Variants in RPP25L observed in about 807,000 individuals in gnomAD.
RPP25L encodes the protein ribonuclease P/MRP subunit p25 like, also known as ribonuclease P protein subunit p25-like protein.
In RPP25L, 5 loss-of-function variants were observed where a neutral mutation model predicts 10.1. That is an observed-to-expected ratio of 0.50 (90% confidence interval 0.26 to 1.04). RPP25L has a LOEUF of 1.04. RPP25L is among the 50% of genes least tolerant of loss of function. The pLI, the probability that RPP25L is intolerant of heterozygous loss-of-function variation, is 0.14. For synonymous variants in RPP25L, 96 were observed against 88.6 expected (o/e 1.08, Z -0.47); for missense variants, 192 against 217.3 (o/e 0.88, Z 0.73).
At position 34,611,453 on chromosome 9, in the gene RPP25L, G is replaced by A. The variant is rs2132294966; in HGVS notation, c.-36-121C>T. The A allele has an allele frequency of 1.3e-6, 1 of 759,682 alleles. No individual in the cohort carries two copies. The highest frequency in any genetic ancestry group is 2.7e-5 in the East Asian group (1 of 37,048). The allele number at this position is 759,682 out of a possible 1,614,324, so 47.1% of individuals were successfully genotyped here. ...CCAGACTTCCCAGAAACAGGATCAT[G>A]TCCCCTTGTCCTTAGCATCTCGTGA... On this transcript the variant is annotated intron_variant, in intron 1 of 1. Coordinates refer to ENST00000378959, the MANE Select transcript of RPP25L (RefSeq NM_148178.3). This position sits in a 1 kb window ranked among gnomAD's most constrained non-coding sequence, Gnocchi z 4.4.
chr9:34,611,093 G>T lies in RPP25L; in HGVS notation c.204C>A (p.Val68=), dbSNP rs549744810. The change falls in exon 2 of 2, where the codon GTC becomes GTA. Residue 68 remains valine, a synonymous_variant. Coordinates refer to ENST00000378959, the MANE Select transcript of RPP25L (RefSeq NM_148178.3). The surrounding 1 kb of genome is among the most constrained non-coding windows in gnomAD (Gnocchi z 4.4). ...SGSGRAAGKA[V]SCAEIVKRRV... is the part of the protein sequence containing the mutation. The stretch of plus-strand genomic sequence containing the variant: ...GCCGCTTGACAATCTCAGCGCAGCT[G>T]ACAGCCTTTCCTGCAGCCCTGCCAG... The T allele has an allele frequency of 6.2e-7, 1 of 1,614,112 alleles. No homozygotes were observed. Among genetic ancestry groups the T allele is most frequent in the Non-Finnish European group, 8.5e-7 (1 of 1,180,008 alleles).
rs1367513949 is a variant in RPP25L at position 34,610,967 on chromosome 9, C to T, written c.330G>A (p.Val110=). The T allele has an allele frequency of 6.2e-7, 1 of 1,613,930 alleles. No homozygotes were observed. The highest frequency in any genetic ancestry group is 2.2e-5 in the East Asian group (1 of 44,880). Residue 110 remains valine (V), a synonymous_variant, in exon 2 of 2, where the codon GTG becomes GTA. Coordinates refer to ENST00000378959, the MANE Select transcript of RPP25L (RefSeq NM_148178.3). ...SPDTGLDPLT[V]RRHVPAVWVL... ...CCCACACTGCAGGCACATGGCGGCG[C>T]ACTGTGAGGGGGTCTAGCCCTGTGT...
Position 34,610,822 on chromosome 9 carries a change from G to A in RPP25L, c.475C>T (p.Arg159Ter), listed in dbSNP as rs1228059892. The A allele has an allele frequency of 1.3e-6, 2 of 1,535,070 alleles. No individual in the cohort carries two copies. Among genetic ancestry groups the A allele is most frequent in the African/African-American group, 1.4e-5 (1 of 72,782 alleles). Residue 159 changes from arginine (R) to a stop codon, truncating the protein, a stop_gained, in exon 2 of 2, where the codon CGA becomes TGA. Coordinates refer to ENST00000378959, the MANE Select transcript of RPP25L (RefSeq NM_148178.3). LOFTEE classifies it high-confidence loss of function. ...SCGPRSRRRA[R>*]DTRS ...GCAGGTCTTCACGATCGGGTGTCTC[G>A]AGCCCTTCTTCGGGAACGAGGGCCA...
chr9:34,611,467 A>G lies in RPP25L; in HGVS notation c.-36-135T>C. ...AACAGGATCATGTCCCCTTGTCCTT[A>G]GCATCTCGTGACAAGGTCCATGCCT... On this transcript the variant is annotated intron_variant, in intron 1 of 1. Coordinates refer to ENST00000378959, the MANE Select transcript of RPP25L (RefSeq NM_148178.3). This position sits in a 1 kb window ranked among gnomAD's most constrained non-coding sequence, Gnocchi z 4.4. 1 of 712,324 alleles carries G rather than the reference A, an allele frequency of 1.4e-6. No individual in the cohort carries two copies. Among genetic ancestry groups the G allele is most frequent in the Non-Finnish European group, 2.3e-6 (1 of 436,506 alleles). 44.1% of individuals were successfully genotyped at this position (712,324 alleles called of 1,614,324 possible).
At position 34,610,896 on chromosome 9, in the gene RPP25L, T is replaced by A. The variant is rs746094435; in HGVS notation, c.401A>T (p.Gln134Leu). 6.2e-7 allele frequency: 1 copy of A among 1,601,168 alleles called. No homozygotes were observed. The highest frequency in any genetic ancestry group is 1.7e-5 in the Admixed American group (1 of 59,342). ...DPLDPNECGY[Q>L]PPGAPPGLGS... ...CAGGCCAGGGGGTGCTCCTGGGGGT[T>A]GGTAACCACACTCATTGGGGTCCAG... The change falls in exon 2 of 2, where the codon CAA (glutamine) becomes CTA (leucine). Residue 134 changes from glutamine (Q) to leucine (L), a missense_variant. Transcript: ENST00000378959.
In RPP25L at chr9:34,610,924, G is replaced by A; in HGVS notation, c.373C>T (p.Pro125Ser). The A allele has an allele frequency of 6.2e-7, 1 of 1,612,660 alleles. No individual in the cohort carries two copies. The highest frequency in any genetic ancestry group is 1.3e-5 in the African/African-American group (1 of 74,996). The change falls in exon 2 of 2, where the codon CCC becomes TCC. Residue 125 changes from proline (P) to serine (S), a missense_variant. Physicochemically the swap from Pro to Ser is moderately conservative, Grantham distance 74. Coordinates refer to ENST00000378959, the MANE Select transcript of RPP25L (RefSeq NM_148178.3). ...PAVWVLLSRD[P>S]LDPNECGYQP... is the part of the protein sequence containing the mutation. ...TAACCACACTCATTGGGGTCCAGGG[G>A]GTCCCGGCTGAGCAGCACCCACACT...
In RPP25L at chr9:34,611,289, T is replaced by A. The variant is rs1820298816; in HGVS notation, c.8A>T (p.His3Leu). 4.3e-6 allele frequency: 7 copies of A among 1,612,354 alleles called. No homozygotes were observed. In the East Asian group the frequency reaches 1.3e-4, roughly 31 times the overall value. ME[H>L]YRKAGSVELP... ...CTCTACAGAGCCAGCTTTCCGGTAG[T>A]GCTCCATCCTGCTTGCTGTCTTGTC... The change falls in exon 2 of 2, where the codon CAC (histidine) becomes CTC (leucine). Residue 3 changes from histidine to leucine, a missense_variant. Transcript: ENST00000378959. The surrounding 1 kb of genome is among the most constrained non-coding windows in gnomAD (Gnocchi z 4.4).
rs1046545008 is a variant in RPP25L at position 34,612,092 on chromosome 9, C to A, written c.-65G>T. The A allele has an allele frequency of 9.8e-4, 149 of 152,036 alleles. 1 individual carries two copies. The highest frequency in any genetic ancestry group is 3.5e-3 in the African/African-American group (147 of 41,502). The allele number at this position is 152,036 out of a possible 1,614,324, so 9.4% of individuals were successfully genotyped here. A position where few individuals can be genotyped will look rare whatever the true frequency, so the allele number is the denominator to read the frequency against. ...AGCCGCCTCACGCACGATCCGGAGC[C>A]AAGATGGCGCGCGGGCCCGGAGCGC... is the stretch of plus-strand genomic sequence containing the variant. On this transcript the variant is annotated 5_prime_UTR_variant, in exon 1 of 2. Coordinates refer to ENST00000378959, the MANE Select transcript of RPP25L (RefSeq NM_148178.3).
In RPP25L at chr9:34,610,604, G is replaced by A. The variant is rs765858568; in HGVS notation, c.*201C>T. On this transcript the variant is annotated 3_prime_UTR_variant, in exon 2 of 2. Transcript: ENST00000378959. ...GAGGAAGCCCTTATTTAGCAATGCA[G>A]AACTTGGCAGAGGCCCCACATCTGT... 5 of 588,650 alleles carry A rather than the reference G, an allele frequency of 8.5e-6. No individual in the cohort carries two copies. The South Asian group carries it at 1.3e-4, about 16-fold the overall frequency. 36.5% of individuals were successfully genotyped at this position (588,650 alleles called of 1,614,324 possible).
chr9:34,611,428 C>A lies in RPP25L; in HGVS notation c.-36-96G>T, dbSNP rs1284718704. 17 of 912,326 alleles carry A rather than the reference C, an allele frequency of 1.9e-5. 1 individual carries two copies. In the South Asian group the frequency reaches 2.6e-4, roughly 14 times the overall value. The allele number at this position is 912,326 out of a possible 1,614,324, so 56.5% of individuals were successfully genotyped here. A position where few individuals can be genotyped will look rare whatever the true frequency, so the allele number is the denominator to read the frequency against. ...CCAGGATATGGCCCTGCTCCCCGTT[C>A]CAGACTTCCCAGAAACAGGATCATG... On this transcript the variant is annotated intron_variant, in intron 1 of 1. Transcript: ENST00000378959. The surrounding 1 kb of genome is among the most constrained non-coding windows in gnomAD (Gnocchi z 4.4).
Position 34,611,217 on chromosome 9 carries a change from T to G in RPP25L, c.80A>C (p.Glu27Ala). 2 of 1,613,974 alleles carry G rather than the reference T, an allele frequency of 1.2e-6. No individual in the cohort carries two copies. Among genetic ancestry groups the G allele is most frequent in the Non-Finnish European group, 1.7e-6 (2 of 1,180,014 alleles). The change falls in exon 2 of 2, where the codon GAG becomes GCG. Residue 27 changes from glutamate to alanine, a missense_variant. By Grantham distance (107) the Glu-to-Ala change is moderately radical. Coordinates refer to ENST00000378959, the MANE Select transcript of RPP25L (RefSeq NM_148178.3). This position sits in a 1 kb window ranked among gnomAD's most constrained non-coding sequence, Gnocchi z 4.4. ...PMPQLPPDTL[E>A]MRVRDGSKIR... The stretch of plus-strand genomic sequence containing the variant: ...TTTGCTGCCATCTCGGACCCGCATC[T>G]CAAGGGTATCAGGAGGTAGCTGGGG...
rs767950399 is a variant in RPP25L at position 34,611,165 on chromosome 9, C to G, written c.132G>C (p.Leu44=). Residue 44 remains leucine, a synonymous_variant, in exon 2 of 2, where the codon CTG becomes CTC. Coordinates refer to ENST00000378959, the MANE Select transcript of RPP25L (RefSeq NM_148178.3). This position sits in a 1 kb window ranked among gnomAD's most constrained non-coding sequence, Gnocchi z 4.4. ...SKIRNLLGLA[L]GRLEGGSARH... ...GAGCACTGCCGCCCTCCAACCGACC[C>G]AGAGCCAACCCCAGCAGGTTGCGAA... is the stretch of plus-strand genomic sequence containing the variant. 2 of 1,614,146 alleles carry G rather than the reference C, an allele frequency of 1.2e-6. No individual in the cohort carries two copies. The highest frequency in any genetic ancestry group is 4.5e-5 in the East Asian group (2 of 44,886).
Position 34,611,131 on chromosome 9 carries a change from C to T in RPP25L, c.166G>A (p.Val56Met), listed in dbSNP as rs1820295505. Reference protein sequence around the residue: ...RLEGGSARHVVFSGSGRAAGK... With the variant: ...RLEGGSARHVMFSGSGRAAGK... ...GCAGCCCTGCCAGAACCTGAGAACA[C>T]TACATGCCGAGCACTGCCGCCCTCC... The change falls in exon 2 of 2, where the codon GTG becomes ATG. Residue 56 changes from valine (V) to methionine (M), a missense_variant. By Grantham distance (21) the Val-to-Met change is conservative. Coordinates refer to ENST00000378959, the MANE Select transcript of RPP25L (RefSeq NM_148178.3). The surrounding 1 kb of genome is among the most constrained non-coding windows in gnomAD (Gnocchi z 4.4). 1 of 1,614,054 alleles carries T rather than the reference C, an allele frequency of 6.2e-7. No homozygotes were observed. The highest frequency in any genetic ancestry group is 1.7e-5 in the Admixed American group (1 of 60,000).
At position 34,611,964 on chromosome 9, in the gene RPP25L, GCCACGGTCTCTTC is replaced by G. The variant is rs1820309631; in HGVS notation, c.-37+87_-37+99del. The G allele has an allele frequency of 6.6e-6, 1 of 152,542 alleles. No individual in the cohort carries two copies. Among genetic ancestry groups the G allele is most frequent in the African/African-American group, 2.4e-5 (1 of 41,580 alleles). The allele number at this position is 152,542 out of a possible 1,614,324, so 9.4% of individuals were successfully genotyped here. On this transcript the variant is annotated intron_variant, in intron 1 of 1. Coordinates refer to ENST00000378959, the MANE Select transcript of RPP25L (RefSeq NM_148178.3). This position sits in a 1 kb window ranked among gnomAD's most constrained non-coding sequence, Gnocchi z 4.4. The stretch of plus-strand genomic sequence containing the variant: ...CAAGACAGCCTTGGCCGTTTCCATA[GCCACGGTCTCTTC>G]CAGGGTCTTGCCGGCCGCTGCAGCC...
In RPP25L at chr9:34,611,371, C is replaced by T; in HGVS notation, c.-36-39G>A. 1 of 1,494,834 alleles carries T rather than the reference C, an allele frequency of 6.7e-7. No homozygotes were observed. Among genetic ancestry groups the T allele is most frequent in the Non-Finnish European group, 9.1e-7 (1 of 1,102,518 alleles). 92.6% of individuals were successfully genotyped at this position (1,494,834 alleles called of 1,614,324 possible). A position where few individuals can be genotyped will look rare whatever the true frequency, so the allele number is the denominator to read the frequency against. ...TCAGGTAAGTGCTAAGCAATGTGCC[C>T]CAAGTCACTGTCCACCATCCCCTAT... On this transcript the variant is annotated intron_variant, in intron 1 of 1. Coordinates refer to ENST00000378959, the MANE Select transcript of RPP25L (RefSeq NM_148178.3). The surrounding 1 kb of genome is among the most constrained non-coding windows in gnomAD (Gnocchi z 4.4).
rs75039456 is a variant in RPP25L at position 34,612,071 on chromosome 9, G to T, written c.-44C>A. The T allele has an allele frequency of 0.044, 6,739 of 152,076 alleles. 231 individuals carry two copies. Among genetic ancestry groups the T allele is most frequent in the South Asian group, 0.069 (330 of 4,772 alleles). The allele number at this position is 152,076 out of a possible 1,614,324, so 9.4% of individuals were successfully genotyped here. On this transcript the variant is annotated 5_prime_UTR_variant, in exon 1 of 2. Transcript: ENST00000378959. ...CCCGGTTCCGGCTCTCACCGAAGCC[G>T]CCTCACGCACGATCCGGAGCCAAGA...
At position 34,610,882 on chromosome 9, in the gene RPP25L, G is replaced by T. The variant is rs778091028; in HGVS notation, c.415C>A (p.Pro139Thr). ...NECGYQPPGA[P>T]PGLGSMPSSS... ...CTGGGCATGGAACCCAGGCCAGGGG[G>T]TGCTCCTGGGGGTTGGTAACCACAC... Residue 139 changes from proline (P) to threonine (T), a missense_variant, in exon 2 of 2, where the codon CCC becomes ACC. Pro to Thr is a conservative substitution (Grantham distance 38). Coordinates refer to ENST00000378959, the MANE Select transcript of RPP25L (RefSeq NM_148178.3). 5.0e-6 allele frequency: 8 copies of T among 1,590,500 alleles called. No individual in the cohort carries two copies. The East Asian group carries it at 9.0e-5, about 18-fold the overall frequency.
rs1482909162 is a variant in RPP25L at position 34,611,786 on chromosome 9, C to A, written c.-37+278G>T. 1 of 163,564 alleles carries A rather than the reference C, an allele frequency of 6.1e-6. No homozygotes were observed. The highest frequency in any genetic ancestry group is 1.4e-5 in the Non-Finnish European group (1 of 73,964). 10.1% of individuals were successfully genotyped at this position (163,564 alleles called of 1,614,324 possible). A position where few individuals can be genotyped will look rare whatever the true frequency, so the allele number is the denominator to read the frequency against. On this transcript the variant is annotated intron_variant, in intron 1 of 1. Coordinates refer to ENST00000378959, the MANE Select transcript of RPP25L (RefSeq NM_148178.3). The surrounding 1 kb of genome is among the most constrained non-coding windows in gnomAD (Gnocchi z 4.4). ...AGGGACAAGGCCCTTCGCCCCAGGC[C>A]CCCCGGGAAACAGCCAAGAACCCTT...
In RPP25L at chr9:34,610,880, G is replaced by C. The variant is rs1564084733; in HGVS notation, c.417C>G (p.Pro139=). The C allele has an allele frequency of 1.3e-6, 2 of 1,589,802 alleles. No individual in the cohort carries two copies. Among genetic ancestry groups the C allele is most frequent in the East Asian group, 4.5e-5 (2 of 44,496 alleles). Residue 139 remains proline (P), a synonymous_variant, in exon 2 of 2, where the codon CCC becomes CCG. Transcript: ENST00000378959. ...NECGYQPPGA[P]PGLGSMPSSS... ...AGCTGGGCATGGAACCCAGGCCAGGGGGTGCTCCTGGGGGTTGGTAACCAC... is the reference window on the plus strand; with the variant it reads ...AGCTGGGCATGGAACCCAGGCCAGGCGGTGCTCCTGGGGGTTGGTAACCAC...
Sources: allele counts gnomAD v4.1 joint callset, GRCh38; gene constraint gnomAD v4.1.1; non-coding constraint Gnocchi (gnomAD v3.1); transcripts MANE v1.5; gene names NCBI Gene and HGNC (gene_info 2026-07-23, HGNC 2026-07-21).